KCTD2: variants seen among roughly 807,000 people sequenced by gnomAD.
KCTD2 encodes BTB/POZ domain-containing protein KCTD2.
Under a neutral mutation model 27.9 loss-of-function variants are expected in KCTD2, and 18 were observed. The ratio of observed to expected loss-of-function variants is 0.64; its 90% CI spans 0.45 to 0.96. KCTD2 has a LOEUF of 0.96. Ranked by LOEUF, KCTD2 falls within the 40% of genes least tolerant of loss-of-function variation. The pLI, the probability that KCTD2 is intolerant of heterozygous loss-of-function variation, is 0.00. For missense variants in KCTD2, 280 were observed against 348.0 expected (o/e 0.80, Z 1.56); for synonymous variants, 175 against 148.4 (o/e 1.18, Z -1.30).
chr17:75,044,199 A>ATTT (rs755560156), upstream of KCTD2, among the ~76,000 whole-genome samples: 1 of 94,696 alleles, frequency 1.1e-5, no homozygotes, highest in Non-Finnish European at 1.9e-5. Context: ...TAATTTTTGT[A>ATTT]TTTTTTTTTT....
rs2073319237 is a variant in KCTD2 at position 75,053,857 on chromosome 17, GCTT to G, written c.540+753_540+755del. ...GCTTCAGCAGCTGCTTGTGAACCAT[GCTT>G]TTTTTTTTTTTTTTTTTTTTTTTTG... On this transcript the variant is annotated intron_variant, in intron 3 of 5. Coordinates refer to ENST00000322444, the MANE Select transcript of KCTD2 (RefSeq NM_015353.3). 7.5e-5 allele frequency among the ~76,000 whole-genome samples: 6 copies of G among 79,532 alleles called. 1 individual carries two copies. Among genetic ancestry groups the G allele is most frequent in the African/African-American group, 4.1e-4 (5 of 12,196 alleles). The allele number at this position is 79,532 out of a possible 152,430, so 52.2% of individuals were successfully genotyped here. A position where few individuals can be genotyped will look rare whatever the true frequency, so the allele number is the denominator to read the frequency against.
chr17:75,042,938 C>A (rs143068192), upstream of KCTD2, among the ~76,000 whole-genome samples: 3 of 151,840 alleles, frequency 2.0e-5, no homozygotes, highest in African/African-American at 7.3e-5. Flanking sequence ...TCAAGGTGTG[C>A]GGCCAGGCGC....
At chr17:75,056,030 CAAA>C (rs912948642) in intron 3 of KCTD2, among the ~76,000 whole-genome samples, 1 of 141,774 alleles carries the variant, frequency 7.1e-6, no homozygotes, top group Non-Finnish European at 1.5e-5. Flanking sequence ...GACTCCATCT[CAAA>C]AAAAAAAAGT....
upstream of KCTD2, among the ~76,000 whole-genome samples, chr17:75,046,076 A>G (rs1387005292): frequency 6.6e-6 from 1 of 152,164 alleles, no homozygotes; most frequent in East Asian, 1.9e-4. Context: ...GGAAGTCACA[A>G]ATAACTTTGT....
At position 75,062,208 on chromosome 17, in the gene KCTD2, C is replaced by A; in HGVS notation, c.725C>A (p.Thr242Asn). 6.2e-7 allele frequency: 1 copy of A among 1,613,944 alleles called. No homozygotes were observed. The highest frequency in any genetic ancestry group is 8.5e-7 in the Non-Finnish European group (1 of 1,179,940). ...GTCTCCAGAGAACTAAATAATTCTA[C>A]CAATGGCATCGTCATAGAGCCGAGC... ...CVVSRELNNS[T>N]NGIVIEPSEK... Residue 242 changes from threonine to asparagine, a missense_variant, in exon 5 of 6, where the codon ACC (threonine) becomes AAC (asparagine). Coordinates refer to ENST00000322444, the MANE Select transcript of KCTD2 (RefSeq NM_015353.3).
intron 4 of KCTD2, among the ~76,000 whole-genome samples, chr17:75,059,850 G>A (rs1280289282): frequency 6.6e-6 from 1 of 152,210 alleles, no homozygotes; most frequent in Non-Finnish European, 1.5e-5. Flanking sequence ...GGGAGCCAAC[G>A]AGCAGTTTAG....
intron 3 of KCTD2, among the ~76,000 whole-genome samples, chr17:75,053,858 C>CTTTTTTTTTTTTTTTTTTTTTTTTTTTT (rs71159419): frequency 1.7e-5 from 1 of 59,328 alleles, no homozygotes; most frequent in Non-Finnish European, 2.8e-5. Flanking sequence ...GTGAACCATG[C>CTTTTTTTTTTTTTTTTTTTTTTTTTTTT]TTTTTTTTTT....
chr17:75,044,452 G>A (rs985257802), upstream of KCTD2, among the ~76,000 whole-genome samples: 7 of 108,212 alleles, frequency 6.5e-5, 2 homozygotes, highest in Non-Finnish European at 1.1e-4. Flanking sequence ...TGATCCACCC[G>A]CCTCGGCCTC....
Position 75,038,733 on chromosome 17 carries a change from G to A in KCTD2, c.-259+3376G>A, listed in dbSNP as rs574341868. The A allele has an allele frequency of 3.9e-4, 222 of 574,384 alleles. 2 individuals carry two copies. Among genetic ancestry groups the A allele is most frequent in the African/African-American group, 3.7e-3 (196 of 52,528 alleles). 35.6% of individuals were successfully genotyped at this position (574,384 alleles called of 1,614,324 possible). ...TCAGTAAGTGGCGCCTACACAGCCCGTCAGACAACCAGCCCAACAAACCTG... is the reference window on the plus strand; with the variant it reads ...TCAGTAAGTGGCGCCTACACAGCCCATCAGACAACCAGCCCAACAAACCTG... On this transcript the variant is annotated intron_variant, in intron 3 of 7. Transcript: ENST00000581589.
chr17:75,055,876 C>T (rs762278012), intron 3 of KCTD2, among the ~76,000 whole-genome samples: 3 of 147,766 alleles, frequency 2.0e-5, no homozygotes, highest in East Asian at 2.0e-4. Context: ...ACTAAAAATA[C>T]GAAAATTGTC....
intron 5 of KCTD2, among the ~76,000 whole-genome samples, chr17:75,062,658 A>G (rs562451165): frequency 5.5e-5 from 8 of 146,236 alleles, no homozygotes; most frequent in Non-Finnish European, 1.1e-4. Context: ...GTTCCTGGAA[A>G]ACTGTTTCTT....
chr17:75,061,017 C>G (rs1436875837), intron 4 of KCTD2, among the ~76,000 whole-genome samples: 3 of 152,184 alleles, frequency 2.0e-5, no homozygotes, highest in South Asian at 2.1e-4. Context: ...GCCCTCCACT[C>G]CAGAAGTATT....
intron 2 of KCTD2, among the ~76,000 whole-genome samples, chr17:75,050,174 C>G (rs1166011921): frequency 6.6e-6 from 1 of 152,154 alleles, no homozygotes; most frequent in Non-Finnish European, 1.5e-5. Flanking sequence ...CATCCACTAT[C>G]CAGCTTCAAC....
chr17:75,047,634 G>T, intron 1 of KCTD2, 45 bp downstream of exon 1: 4 of 1,567,878 alleles, frequency 2.6e-6, no homozygotes, highest in Non-Finnish European at 2.6e-6. Context: ...CGAACCCCCT[G>T]GTTTCTCGTA....
Position 75,062,949 on chromosome 17 carries a change from G to A in KCTD2, c.763-69G>A, listed in dbSNP as rs536258843. The A allele has an allele frequency of 6.2e-5, 96 of 1,553,936 alleles. No homozygotes were observed. In the South Asian group the frequency reaches 9.5e-4, roughly 15 times the overall value. ...ATCATGCCACTCATCGGGTCCAGTG[G>A]AAAGCATCCCCCGACATCTCTGTCT... On this transcript the variant is annotated intron_variant, in intron 5 of 5. Transcript: ENST00000322444.
chr17:75,058,894 G>A (rs1280900953), intron 3 of KCTD2, among the ~76,000 whole-genome samples: 6 of 151,858 alleles, frequency 4.0e-5, no homozygotes, highest in African/African-American at 4.8e-5. Flanking sequence ...TCAGGAGATC[G>A]AGACCATCCT....
intron 3 of KCTD2, among the ~76,000 whole-genome samples, chr17:75,036,933 C>T (rs765204583): frequency 2.0e-5 from 3 of 152,178 alleles, no homozygotes; most frequent in Non-Finnish European, 4.4e-5. Context: ...TCATCTTCAA[C>T]CCGGCCTTAC....
At chr17:75,035,338 G>A (rs2040106401) in exon 3 of KCTD2, 2 of 152,140 alleles carry the variant, frequency 1.3e-5, no homozygotes, top group African/African-American at 4.8e-5. Context: ...TTCCGGTTAT[G>A]GCGTCATTAT....
intron 3 of KCTD2, 36 bp from the exon 4 acceptor site, chr17:75,059,474 T>C: frequency 6.7e-7 from 1 of 1,489,606 alleles, no homozygotes; most frequent in Non-Finnish European, 9.3e-7. Flanking sequence ...TGTGGTGTCC[T>C]TGGTGCTGTT....
Sources: gnomAD v4.1 joint callset for allele counts (sites outside exome capture counted in the v4.1 genomes callset) on GRCh38, gnomAD v4.1.1 for gene constraint, MANE v1.5 for transcripts, NCBI Gene and HGNC (gene_info 2026-07-23, HGNC 2026-07-21) for gene names.